Variants in PABPC4L observed in about 807,000 individuals in gnomAD.
The protein encoded by PABPC4L is poly(A) binding protein cytoplasmic 4 like, also known as polyadenylate-binding protein 4-like.
For synonymous variants in PABPC4L, 169 were observed against 164.1 expected (o/e 1.03, Z -0.23); for missense variants, 452 against 451.4 (o/e 1.00, Z -0.01).
chr4:133,983,981 G>T, the PABPC4L span, among the ~76,000 whole-genome samples: 2 of 151,758 alleles, frequency 1.3e-5, no homozygotes, highest in Non-Finnish European at 3.0e-5. Flanking sequence ...AGAGTACAAA[G>T]AAATCTATAT....
At chr4:134,153,087 C>T in the PABPC4L span, among the ~76,000 whole-genome samples, 4 of 152,144 alleles carry the variant, frequency 2.6e-5, no homozygotes, top group Admixed American at 2.6e-4. Flanking sequence ...TGAGGCTCCA[C>T]CTCTAACACT....
At chr4:134,047,165 T>A in the PABPC4L span, among the ~76,000 whole-genome samples, 4 of 152,312 alleles carry the variant, frequency 2.6e-5, no homozygotes, top group African/African-American at 7.2e-5. Flanking sequence ...GGTAAGTGAT[T>A]GAACAGTTAG....
the PABPC4L span, among the ~76,000 whole-genome samples, chr4:134,026,334 C>A: frequency 6.6e-6 from 1 of 151,590 alleles, no homozygotes; most frequent in Non-Finnish European, 1.5e-5. Flanking sequence ...CTCCTGGGTT[C>A]AAGTGATTCT....
chr4:134,112,827 C>T, the PABPC4L span, among the ~76,000 whole-genome samples: 1 of 151,692 alleles, frequency 6.6e-6, no homozygotes, highest in Non-Finnish European at 1.5e-5. Context: ...CACAAATAAG[C>T]TCAGGGAGGT....
chr4:134,135,625 A>T, the PABPC4L span, among the ~76,000 whole-genome samples: 1 of 152,046 alleles, frequency 6.6e-6, no homozygotes, highest in East Asian at 1.9e-4. Flanking sequence ...TGAGGTCGGG[A>T]GTTTGAGACC....
the PABPC4L span, among the ~76,000 whole-genome samples, chr4:134,069,091 TC>T: frequency 6.6e-6 from 1 of 152,256 alleles, no homozygotes; most frequent in African/African-American, 2.4e-5. Context: ...TTATGAAGCT[TC>T]ATTTGGCTGT....
At chr4:134,100,542 C>T in the PABPC4L span, among the ~76,000 whole-genome samples, 1 of 151,548 alleles carries the variant, frequency 6.6e-6, no homozygotes, top group Non-Finnish European at 1.5e-5. Context: ...TGCATGAATA[C>T]AATAATGCAA....
chr4:134,163,351 C>CT, the PABPC4L span, among the ~76,000 whole-genome samples: 1 of 151,988 alleles, frequency 6.6e-6, no homozygotes, highest in Non-Finnish European at 1.5e-5. Flanking sequence ...AGCAGTGAGA[C>CT]TGAATCAGTA....
chr4:133,976,676 C>T, the PABPC4L span, among the ~76,000 whole-genome samples: 1 of 152,280 alleles, frequency 6.6e-6, no homozygotes, highest in East Asian at 1.9e-4. Context: ...GATGGTATCT[C>T]ATTGTGGTTT....
the PABPC4L span, among the ~76,000 whole-genome samples, chr4:134,022,318 C>T: frequency 1.3e-5 from 2 of 151,982 alleles, no homozygotes; most frequent in Non-Finnish European, 2.9e-5. Flanking sequence ...CTAAATTAGC[C>T]GCATTCAGTT....
At chr4:134,038,006 T>C in the PABPC4L span, among the ~76,000 whole-genome samples, 107 of 152,254 alleles carry the variant, frequency 7.0e-4, no homozygotes, top group African/African-American at 2.1e-3. Context: ...CATCAATACT[T>C]AGTTTATTGA....
the PABPC4L span, among the ~76,000 whole-genome samples, chr4:133,993,643 G>A: frequency 6.6e-6 from 1 of 152,142 alleles, no homozygotes; most frequent in Non-Finnish European, 1.5e-5. Context: ...GGCAATCTGG[G>A]CATTGCAGGA....
chr4:134,017,024 C>T, the PABPC4L span, among the ~76,000 whole-genome samples: 7 of 152,156 alleles, frequency 4.6e-5, no homozygotes, highest in Non-Finnish European at 7.3e-5. Context: ...TCATTTCTTC[C>T]CTTCTGTCAG....
At chr4:134,104,226 A>G in the PABPC4L span, among the ~76,000 whole-genome samples, 1 of 151,712 alleles carries the variant, frequency 6.6e-6, no homozygotes, top group Non-Finnish European at 1.5e-5. Flanking sequence ...TGGCCTTCTC[A>G]ACAGAACTTT....
chr4:134,023,175 T>C, the PABPC4L span, among the ~76,000 whole-genome samples: 1 of 152,150 alleles, frequency 6.6e-6, no homozygotes, highest in African/African-American at 2.4e-5. Flanking sequence ...CTGCAAGATT[T>C]AGGCAAGCTG....
At chr4:134,025,324 A>AG in the PABPC4L span, among the ~76,000 whole-genome samples, 6 of 150,666 alleles carry the variant, frequency 4.0e-5, no homozygotes, top group Non-Finnish European at 7.4e-5. Flanking sequence ...AAAAAAAAAA[A>AG]AAAAAAGAGT....
At chr4:134,114,067 A>T in the PABPC4L span, among the ~76,000 whole-genome samples, 18 of 151,748 alleles carry the variant, frequency 1.2e-4, no homozygotes, top group African/African-American at 4.1e-4. Flanking sequence ...AAGTGGAAAG[A>T]TAAGTGGAAG....
the PABPC4L span, among the ~76,000 whole-genome samples, chr4:134,046,351 T>A: frequency 6.6e-6 from 1 of 152,030 alleles, no homozygotes; most frequent in East Asian, 1.9e-4. Context: ...AACATCTCAG[T>A]GTAGCAAAGA....
At chr4:133,948,761 C>T in the PABPC4L span, among the ~76,000 whole-genome samples, 1 of 152,208 alleles carries the variant, frequency 6.6e-6, no homozygotes, top group Non-Finnish European at 1.5e-5. Flanking sequence ...GCATGCATAA[C>T]AGTCGCTTTT....
Sources: gnomAD v4.1 joint callset for allele counts (sites outside exome capture counted in the v4.1 genomes callset) on GRCh38, gnomAD v4.1.1 for gene constraint, MANE v1.5 for transcripts, NCBI Gene and HGNC (gene_info 2026-07-23, HGNC 2026-07-21) for gene names.